Variants in HPCAL1 observed in about 807,000 individuals in gnomAD.
The protein encoded by HPCAL1 is hippocalcin like 1, also known as hippocalcin-like protein 1.
HPCAL1 carries 8 observed loss-of-function variants against 17.1 expected under a neutral mutation model. That is an observed-to-expected ratio of 0.47 (90% confidence interval 0.27 to 0.84). The LOEUF (loss-of-function observed/expected upper bound fraction) is 0.84, where lower values mean the gene tolerates loss of function less well. Ranked by LOEUF, HPCAL1 falls within the 40% of genes least tolerant of loss-of-function variation. HPCAL1 has a pLI of 0.13. For synonymous variants in HPCAL1, 112 were observed against 111.4 expected (o/e 1.01, Z -0.03); for missense variants, 165 against 271.1 (o/e 0.61, Z 2.75).
At chr2:10,403,538 C>T (rs948424912) in intron 2 of HPCAL1, among the ~76,000 whole-genome samples, 1 of 150,958 alleles carries the variant, frequency 6.6e-6, no homozygotes, top group African/African-American at 2.4e-5. Flanking sequence ...GGCTGGAGTG[C>T]AGTAGTGTGA....
In HPCAL1 at chr2:10,306,751, C is replaced by T. The variant is rs563912167; in HGVS notation, c.-111+3574C>T. On this transcript the variant is annotated intron_variant, in intron 1 of 4. Coordinates refer to ENST00000307845, the MANE Select transcript of HPCAL1 (RefSeq NM_002149.4). ...ATGCTGATGAGCAGGGCGCAAGTCT[C>T]AAGATTTTTAAATCATCTGAAAAGC... 2.6e-5 allele frequency among the ~76,000 whole-genome samples: 4 copies of T among 152,266 alleles called. No individual in the cohort carries two copies. The South Asian group carries it at 8.3e-4, about 32-fold the overall frequency.
At chr2:10,422,871 G>A (rs1671149556) in intron 3 of HPCAL1, 112 bp from the exon 4 acceptor site, 8 of 685,436 alleles carry the variant, frequency 1.2e-5, no homozygotes, top group Middle Eastern at 5.5e-4. Context: ...GAAGGCCACC[G>A]GGAGCCCCTG....
chr2:10,419,706 C>A lies in HPCAL1; in HGVS notation c.-24-28C>A. Reference sequence around the variant, plus strand: ...AGCCCTGCTCCGTGGCCGTGGGTGGCGTCCCCGGCTGACCCCCTGTCTTGC... The same window carrying A: ...AGCCCTGCTCCGTGGCCGTGGGTGGAGTCCCCGGCTGACCCCCTGTCTTGC... On this transcript the variant is annotated intron_variant, in intron 2 of 4. Coordinates refer to ENST00000307845, the MANE Select transcript of HPCAL1 (RefSeq NM_002149.4). The surrounding 1 kb of genome is among the most constrained non-coding windows in gnomAD (Gnocchi z 5.0). 1.9e-6 allele frequency: 3 copies of A among 1,564,274 alleles called. No homozygotes were observed. Among genetic ancestry groups the A allele is most frequent in the South Asian group, 1.2e-5 (1 of 82,352 alleles).
chr2:10,353,429 G>C (rs561157961), intron 1 of HPCAL1, among the ~76,000 whole-genome samples: 1 of 152,326 alleles, frequency 6.6e-6, no homozygotes, highest in East Asian at 1.9e-4. Flanking sequence ...CAGTGCTGTC[G>C]TGGGGGGCCC....
chr2:10,339,200 T>A (rs1664911912), intron 1 of HPCAL1, among the ~76,000 whole-genome samples: 1 of 152,192 alleles, frequency 6.6e-6, no homozygotes, highest in Admixed American at 6.5e-5. Context: ...TCACCCAGAC[T>A]GGAGGGCAGT....
In HPCAL1 at chr2:10,365,187, G is replaced by A. The variant is rs1338261108; in HGVS notation, c.-110-31648G>A. Among the ~76,000 whole-genome samples, 1 of 152,212 alleles carries A rather than the reference G, an allele frequency of 6.6e-6. No homozygotes were observed. On this transcript the variant is annotated intron_variant, in intron 1 of 4. Transcript: ENST00000307845. This position sits in a 1 kb window ranked among gnomAD's most constrained non-coding sequence, Gnocchi z 4.8. Reference sequence around the variant, plus strand: ...CCACCTCATGTACGGAAGGAGAAATGGAGGCCGCCAGAGAGGTCTAGGCCT... The same window carrying A: ...CCACCTCATGTACGGAAGGAGAAATAGAGGCCGCCAGAGAGGTCTAGGCCT...
chr2:10,410,436 C>CTTTT (rs36002921), intron 2 of HPCAL1, among the ~76,000 whole-genome samples: 13,970 of 77,276 alleles, frequency 0.18, 1,944 homozygotes, highest in South Asian at 0.33. Flanking sequence ...TCTTCTTCTT[C>CTTTT]TTTTTTTTTT....
intron 1 of HPCAL1, among the ~76,000 whole-genome samples, chr2:10,386,133 G>T (rs1668295686): frequency 1.3e-5 from 2 of 152,194 alleles, no homozygotes; most frequent in South Asian, 4.1e-4. Context: ...AGCCTAGGTT[G>T]CTCCCTCACC....
At chr2:10,392,885 G>A (rs1437247578) in intron 1 of HPCAL1, among the ~76,000 whole-genome samples, 2 of 152,346 alleles carry the variant, frequency 1.3e-5, no homozygotes, top group African/African-American at 4.8e-5. Context: ...CAGGAAAAGC[G>A]TGTGTGTGAA....
At chr2:10,350,726 T>G (rs534908511) in intron 1 of HPCAL1, among the ~76,000 whole-genome samples, 1 of 152,278 alleles carries the variant, frequency 6.6e-6, no homozygotes, top group East Asian at 1.9e-4. Context: ...TAAAGAACTC[T>G]TACAACTCAA....
In HPCAL1 at chr2:10,384,741, C is replaced by A. The variant is rs955520754; in HGVS notation, c.-110-12094C>A. On this transcript the variant is annotated intron_variant, in intron 1 of 4. Transcript: ENST00000307845. This position sits in a 1 kb window ranked among gnomAD's most constrained non-coding sequence, Gnocchi z 4.4. ...GTAAACAGTGCAGTGGCAGCCGGGG[C>A]TGGCACTTTTAAAGAAAGCCTCAAG... 6.6e-6 allele frequency among the ~76,000 whole-genome samples: 1 copy of A among 152,132 alleles called. No individual in the cohort carries two copies. The highest frequency in any genetic ancestry group is 2.4e-5 in the African/African-American group (1 of 41,424).
At chr2:10,391,296 T>C (rs1471218184) in intron 1 of HPCAL1, among the ~76,000 whole-genome samples, 1 of 152,192 alleles carries the variant, frequency 6.6e-6, no homozygotes, top group Non-Finnish European at 1.5e-5. Context: ...TGACAAGCAC[T>C]AAGACCTGTT....
intron 1 of HPCAL1, among the ~76,000 whole-genome samples, chr2:10,383,833 G>A (rs1196596962): frequency 2.0e-5 from 3 of 152,042 alleles, no homozygotes; most frequent in East Asian, 1.9e-4. Context: ...TGTGCATTGT[G>A]GGGTATTGAG....
intron 1 of HPCAL1, among the ~76,000 whole-genome samples, chr2:10,322,983 G>A (rs1663771047): frequency 1.3e-5 from 2 of 152,158 alleles, no homozygotes; most frequent in Admixed American, 1.3e-4. Flanking sequence ...CAGCAGGCAA[G>A]CCTGGGACAC....
rs535666250 is a variant in HPCAL1, at chr2:10,312,668, CCAT to C, written c.-111+9509_-111+9511del. 1.4e-3 allele frequency among the ~76,000 whole-genome samples: 209 copies of C among 150,264 alleles called. 1 individual carries two copies. Among genetic ancestry groups the C allele is most frequent in the Non-Finnish European group, 2.3e-3 (158 of 67,506 alleles). ...CTGTCATCATCACCTTTCTCCATCA[CCAT>C]CATCATCATCATCATCACTATCATC... On this transcript the variant is annotated intron_variant, in intron 1 of 4. Transcript: ENST00000307845.
intron 1 of HPCAL1, among the ~76,000 whole-genome samples, chr2:10,388,832 C>T (rs7568112): frequency 0.032 from 4,913 of 152,272 alleles, 287 homozygotes; most frequent in African/African-American, 0.11. Flanking sequence ...ACTGTGGACC[C>T]ATTGTGTGTG....
intron 1 of HPCAL1, among the ~76,000 whole-genome samples, chr2:10,348,903 G>A (rs1247018393): frequency 1.3e-5 from 2 of 152,168 alleles, no homozygotes; most frequent in East Asian, 3.8e-4. Flanking sequence ...TGCCTCTCAC[G>A]GTGCCCAGTA....
In HPCAL1 at chr2:10,344,241, T is replaced by C. The variant is rs947652763; in HGVS notation, c.-111+41064T>C. The stretch of plus-strand genomic sequence containing the variant: ...TGGTCTTTGATGCTTGCTTTCCCCA[T>C]AGGCATCACTTCGACCAGCGTCTGT... On this transcript the variant is annotated intron_variant, in intron 1 of 4. Coordinates refer to ENST00000307845, the MANE Select transcript of HPCAL1 (RefSeq NM_002149.4). This position sits in a 1 kb window ranked among gnomAD's most constrained non-coding sequence, Gnocchi z 4.9. Among the ~76,000 whole-genome samples, 3 of 152,228 alleles carry C rather than the reference T, an allele frequency of 2.0e-5. No individual in the cohort carries two copies. Among genetic ancestry groups the C allele is most frequent in the African/African-American group, 4.8e-5 (2 of 41,542 alleles).
intron 1 of HPCAL1, among the ~76,000 whole-genome samples, chr2:10,372,634 G>A (rs568131628): frequency 6.6e-6 from 1 of 152,332 alleles, no homozygotes; most frequent in South Asian, 2.1e-4. Context: ...CGAAACAGCT[G>A]AGATCAGCCT....
Sources: gnomAD v4.1 joint callset for allele counts (sites outside exome capture counted in the v4.1 genomes callset) on GRCh38, gnomAD v4.1.1 for gene constraint, Gnocchi (gnomAD v3.1) non-coding constraint, MANE v1.5 for transcripts, NCBI Gene and HGNC (gene_info 2026-07-23, HGNC 2026-07-21) for gene names.